The following TLK2 variants were observed in gnomAD, a reference collection of about 807,000 sequenced individuals.
TLK2 encodes the protein tousled like kinase 2, also known as serine/threonine-protein kinase tousled-like 2.
In TLK2, 6 loss-of-function variants were observed where a neutral mutation model predicts 117.3. That is an observed-to-expected ratio of 0.05 (90% CI 0.03 to 0.10). The LOEUF (loss-of-function observed/expected upper bound fraction) is 0.10, where lower values mean the gene tolerates loss of function less well. TLK2 is among the 10% of genes least tolerant of loss of function. TLK2 has a pLI of 1.00. For missense variants in TLK2, 299 were observed against 901.2 expected (o/e 0.33, Z 8.56); for synonymous variants, 257 against 316.7 (o/e 0.81, Z 2.00).
intron 2 of TLK2, among the ~76,000 whole-genome samples, chr17:62,495,309 T>C (rs2073537813): frequency 6.6e-6 from 1 of 152,106 alleles, no homozygotes; most frequent in Non-Finnish European, 1.5e-5. Flanking sequence ...CTCAGAACAA[T>C]TTTGATACAA....
chr17:62,472,298 C>T (rs1036424760), intron 1 of TLK2, among the ~76,000 whole-genome samples: 2 of 152,150 alleles, frequency 1.3e-5, no homozygotes, highest in African/African-American at 4.8e-5. Flanking sequence ...GTTATGCCTA[C>T]AGTTTGCAGC....
intron 11 of TLK2, among the ~76,000 whole-genome samples, chr17:62,569,434 C>CTTTTT (rs200412545): frequency 1.1e-5 from 1 of 87,216 alleles, no homozygotes; most frequent in Non-Finnish European, 2.2e-5. Flanking sequence ...GAAATACGTG[C>CTTTTT]TTTTTTTTTT....
intron 2 of TLK2, among the ~76,000 whole-genome samples, chr17:62,494,528 A>G (rs2073447985): frequency 6.6e-6 from 1 of 152,082 alleles, no homozygotes; most frequent in Non-Finnish European, 1.5e-5. Flanking sequence ...AAGTGTTGGG[A>G]TTATAGGCAT....
At chr17:62,500,556 A>G (rs979828438) in intron 2 of TLK2, among the ~76,000 whole-genome samples, 2 of 152,220 alleles carry the variant, frequency 1.3e-5, no homozygotes, top group African/African-American at 4.8e-5. Flanking sequence ...GTTCCTTAAT[A>G]ACTGATAGAA....
At chr17:62,559,300 A>T (rs567826371) in intron 9 of TLK2, among the ~76,000 whole-genome samples, 2 of 42,748 alleles carry the variant, frequency 4.7e-5, no homozygotes, top group Non-Finnish European at 1.8e-4. Context: ...CAAAGCAAAC[A>T]TAAAATTCAG....
chr17:62,541,494 A>G (rs528472662), intron 7 of TLK2, among the ~76,000 whole-genome samples: 1 of 152,374 alleles, frequency 6.6e-6, no homozygotes, highest in East Asian at 1.9e-4. Flanking sequence ...ATATACACCA[A>G]TGAAAGATTT....
intron 6 of TLK2, among the ~76,000 whole-genome samples, chr17:62,532,816 AC>A (rs1451575360): frequency 1.3e-5 from 2 of 152,166 alleles, no homozygotes; most frequent in Non-Finnish European, 2.9e-5. Context: ...TTATTAACTT[AC>A]GCATTTTTCC....
At chr17:62,609,137 A>G (rs1484685056) in intron 21 of TLK2, among the ~76,000 whole-genome samples, 2 of 152,124 alleles carry the variant, frequency 1.3e-5, no homozygotes, top group East Asian at 3.8e-4. Flanking sequence ...TCTGGAGTGC[A>G]GTGGCATTAT....
chr17:62,505,407 ATTTTTTTTTTTTTTTTTTTTT>A (rs544900638), intron 2 of TLK2, among the ~76,000 whole-genome samples: 6 of 53,756 alleles, frequency 1.1e-4, no homozygotes, highest in African/African-American at 5.6e-4. Context: ...CCATACCCAG[ATTTTTTTTTTTTTTTTTTTTT>A]TTTTTGGTAG....
chr17:62,495,886 G>T (rs181525224), intron 2 of TLK2, among the ~76,000 whole-genome samples: 9 of 151,204 alleles, frequency 6.0e-5, no homozygotes, highest in Admixed American at 2.0e-4. Context: ...CTTTGGTCTC[G>T]AACTCCTGAG....
chr17:62,557,011 A>C (rs533087260), intron 9 of TLK2, among the ~76,000 whole-genome samples: 2 of 152,306 alleles, frequency 1.3e-5, no homozygotes, highest in African/African-American at 4.8e-5. Context: ...TGCAGCCTTC[A>C]TCTCCCAGGC....
rs920773468 is a variant in TLK2 at position 62,614,974 on chromosome 17, A to T, written c.*2409A>T. The T allele has an allele frequency of 2.0e-5, 3 of 151,926 alleles. No homozygotes were observed. The highest frequency in any genetic ancestry group is 7.3e-5 in the African/African-American group (3 of 41,326). The allele number at this position is 151,926 out of a possible 1,614,324, so 9.4% of individuals were successfully genotyped here. On this transcript the variant is annotated 3_prime_UTR_variant, in exon 22 of 22. Coordinates refer to ENST00000346027, the MANE Select transcript of TLK2 (RefSeq NM_006852.6). ...TTTGTTTGTTTTTTAATTTTTTAAC[A>T]TTTTTTTAACGTTGAAAAAATGCTG...
At chr17:62,557,354 T>C (rs2078935467) in intron 9 of TLK2, among the ~76,000 whole-genome samples, 1 of 152,256 alleles carries the variant, frequency 6.6e-6, no homozygotes, top group Admixed American at 6.5e-5. Context: ...TTTTATGAAA[T>C]ATGACAAGAA....
Position 62,584,593 on chromosome 17 carries a change from T to TAA in TLK2, c.1369-1542_1369-1541insAA, listed in dbSNP as rs554552628. On this transcript the variant is annotated intron_variant, in intron 15 of 21. Transcript: ENST00000346027. ...ATTTTGAGAGGCCAAGGTGGGAAGA[T>TAA]TACTTGAGGCCAGGAGTTCAAAAAC... Among the ~76,000 whole-genome samples the TAA allele has an allele frequency of 1.0e-3, 155 of 152,170 alleles. 1 individual carries two copies. Among genetic ancestry groups the TAA allele is most frequent in the African/African-American group, 3.5e-3 (145 of 41,534 alleles).
rs2081880219 is a variant in TLK2 at position 62,589,088 on chromosome 17, A to C, written c.1460+2862A>C. On this transcript the variant is annotated intron_variant, in intron 16 of 21. Coordinates refer to ENST00000346027, the MANE Select transcript of TLK2 (RefSeq NM_006852.6). ...AAGGTGTTTGTTTTGTTGTATTTTGAATTTTGTTCTGTCACTTCATTCCTC... is the reference window on the plus strand; with the variant it reads ...AAGGTGTTTGTTTTGTTGTATTTTGCATTTTGTTCTGTCACTTCATTCCTC... Among the ~76,000 whole-genome samples the C allele has an allele frequency of 2.0e-5, 3 of 152,204 alleles. No homozygotes were observed. The South Asian group carries it at 6.2e-4, about 32-fold the overall frequency.
intron 5 of TLK2, 87 bp from the exon 6 acceptor site, chr17:62,524,149 T>G (rs2076225269): frequency 1.0e-6 from 1 of 1,000,956 alleles, no homozygotes; most frequent in East Asian, 2.8e-5. Flanking sequence ...ATAATTAAGA[T>G]CTGTTTGTGT....
At chr17:62,481,064 A>C in intron 1 of TLK2, 57 bp from the exon 2 acceptor site, 2 of 1,538,118 alleles carry the variant, frequency 1.3e-6, no homozygotes, top group Non-Finnish European at 1.8e-6. Flanking sequence ...TTCTACAGAA[A>C]ATTGCCTCCT....
intron 13 of TLK2, 78 bp from the exon 14 acceptor site, chr17:62,578,399 T>C (rs763957751): frequency 1.8e-6 from 2 of 1,097,132 alleles, no homozygotes; most frequent in Non-Finnish European, 2.8e-6. Context: ...GATAAATGTC[T>C]GCTATTGTTT....
chr17:62,542,572 C>T lies in TLK2; in HGVS notation c.531+6235C>T, dbSNP rs190233832. ...TTTAACTACAATTGAGTCTTTTCTG[C>T]TTTGTAAATTATTCTAAGACTTGAA... On this transcript the variant is annotated intron_variant, in intron 7 of 21. Transcript: ENST00000346027. Among the ~76,000 whole-genome samples the T allele has an allele frequency of 5.2e-3, 788 of 152,250 alleles. 4 individuals carry two copies. The highest frequency in any genetic ancestry group is 0.014 in the Middle Eastern group (4 of 294).
Sources: gnomAD v4.1 joint callset for allele counts (sites outside exome capture counted in the v4.1 genomes callset) on GRCh38, gnomAD v4.1.1 for gene constraint, MANE v1.5 for transcripts, NCBI Gene and HGNC (gene_info 2026-07-23, HGNC 2026-07-21) for gene names.